Variants in FDX1 observed in about 807,000 individuals in gnomAD.
FDX1 encodes ferredoxin 1.
Under a neutral mutation model 14.9 loss-of-function variants are expected in FDX1, and 9 were observed. The observed-to-expected ratio is 0.60, with a 90% CI of 0.36 to 1.05. FDX1 has a LOEUF of 1.05. Among genes scored for constraint, FDX1 ranks in the 50% least tolerant of loss-of-function variants. The pLI, the probability that FDX1 is intolerant of heterozygous loss-of-function variation, is 0.01. For missense variants in FDX1, 204 were observed against 237.2 expected (o/e 0.86, Z 0.92); for synonymous variants, 92 against 99.4 (o/e 0.93, Z 0.44).
chr11:110,445,735 A>G (rs1946446037), intron 2 of FDX1, among the ~76,000 whole-genome samples: 1 of 152,204 alleles, frequency 6.6e-6, no homozygotes, highest in Non-Finnish European at 1.5e-5. Context: ...TAACCTACTC[A>G]TAACTCATCT....
chr11:110,430,767 A>T (rs1256953756), intron 1 of FDX1, among the ~76,000 whole-genome samples: 1 of 152,044 alleles, frequency 6.6e-6, no homozygotes, highest in Admixed American at 6.5e-5. Flanking sequence ...CTGCTTTGAG[A>T]GGACACCCAG....
intron 2 of FDX1, among the ~76,000 whole-genome samples, chr11:110,446,253 A>T (rs1250695187): frequency 6.6e-6 from 1 of 152,190 alleles, no homozygotes; most frequent in Non-Finnish European, 1.5e-5. Context: ...CCACAACATT[A>T]TGGGGGCAGC....
intron 1 of FDX1, among the ~76,000 whole-genome samples, chr11:110,430,960 G>A (rs1219390635): frequency 6.6e-6 from 1 of 152,220 alleles, no homozygotes; most frequent in Non-Finnish European, 1.5e-5. Context: ...CAGTCCTTAG[G>A]AACCCAGTTT....
intron 2 of FDX1, among the ~76,000 whole-genome samples, chr11:110,447,345 T>C (rs1329627174): frequency 1.4e-5 from 2 of 147,342 alleles, no homozygotes; most frequent in Non-Finnish European, 3.0e-5. Flanking sequence ...TCCCAGCTAC[T>C]TGGGAGGCTG....
chr11:110,444,856 T>C (rs1257174572), intron 2 of FDX1, among the ~76,000 whole-genome samples: 1 of 150,304 alleles, frequency 6.7e-6, no homozygotes, highest in Non-Finnish European at 1.5e-5. Context: ...CTGCTGCTGC[T>C]GTATGCTGCT....
Position 110,464,566 on chromosome 11 carries a change from C to T in FDX1, c.*2098C>T, listed in dbSNP as rs764286443. 4.6e-5 allele frequency: 7 copies of T among 152,154 alleles called. No individual in the cohort carries two copies. Among genetic ancestry groups the T allele is most frequent in the Non-Finnish European group, 1.0e-4 (7 of 68,022 alleles). The allele number at this position is 152,154 out of a possible 1,614,324, so 9.4% of individuals were successfully genotyped here. ...AAAGGAGATCACCTCTTAAAGGACC[C>T]ACCTTTCAATGCCATTACACTGGCA... On this transcript the variant is annotated 3_prime_UTR_variant, in exon 4 of 4. Transcript: ENST00000260270.
rs1248664179 is a variant in FDX1 at position 110,435,894 on chromosome 11, A to G, written c.246A>G (p.Lys82=). 8 of 1,612,110 alleles carry G rather than the reference A, an allele frequency of 5.0e-6. No individual in the cohort carries two copies. The highest frequency in any genetic ancestry group is 6.8e-6 in the Non-Finnish European group (8 of 1,178,658). ...INRDGETLTT[K]GKVGDSLLDV... ...GTGATGGTGAAACATTAACAACCAAAGGAAAAGTTGGTGATTCTCTGCTAG... is the reference window on the plus strand; with the variant it reads ...GTGATGGTGAAACATTAACAACCAAGGGAAAAGTTGGTGATTCTCTGCTAG... The change falls in exon 2 of 4, where the codon AAA becomes AAG. Residue 82 remains lysine, a synonymous_variant. Transcript: ENST00000260270.
intron 2 of FDX1, among the ~76,000 whole-genome samples, chr11:110,443,203 C>T (rs745381211): frequency 6.6e-6 from 1 of 152,080 alleles, no homozygotes; most frequent in Non-Finnish European, 1.5e-5. Context: ...AAAACTGTGG[C>T]AGTGTACCTC....
Position 110,457,022 on chromosome 11 carries a change from G to C in FDX1, c.415G>C (p.Asp139His), listed in dbSNP as rs368983211. ...CACTGATGAGGAGAATGACATGCTC[G>C]ATCTGGCATATGGACTAACAGACAG... ...AITDEENDMLDLAYGLTDRSR... is the reference protein window; with the variant it reads ...AITDEENDMLHLAYGLTDRSR... Residue 139 changes from aspartate to histidine, a missense_variant, in exon 3 of 4, where the codon GAT (aspartate) becomes CAT (histidine). Coordinates refer to ENST00000260270, the MANE Select transcript of FDX1 (RefSeq NM_004109.5). 2 of 1,613,058 alleles carry C rather than the reference G, an allele frequency of 1.2e-6. No individual in the cohort carries two copies. The highest frequency in any genetic ancestry group is 2.2e-5 in the East Asian group (1 of 44,838).
chr11:110,448,925 T>A (rs1039065047), intron 2 of FDX1, among the ~76,000 whole-genome samples: 1 of 152,226 alleles, frequency 6.6e-6, no homozygotes, highest in African/African-American at 2.4e-5. Context: ...AACAAATCCC[T>A]GCCATCCTTT....
intron 2 of FDX1, among the ~76,000 whole-genome samples, chr11:110,455,251 C>T (rs575164032): frequency 5.2e-4 from 79 of 152,170 alleles, no homozygotes; most frequent in Non-Finnish European, 1.0e-3. Flanking sequence ...CCATCTGCCT[C>T]GGCCTCCCGA....
intron 1 of FDX1, among the ~76,000 whole-genome samples, chr11:110,435,139 C>T (rs1344415194): frequency 6.6e-6 from 1 of 151,890 alleles, no homozygotes; most frequent in East Asian, 1.9e-4. Context: ...GCCTCTTCCT[C>T]CTCCTGGGCT....
At chr11:110,432,009 C>G (rs1293179174) in intron 1 of FDX1, among the ~76,000 whole-genome samples, 1 of 152,188 alleles carries the variant, frequency 6.6e-6, no homozygotes, top group African/African-American at 2.4e-5. Context: ...CGTAGTTACA[C>G]TAGCCACATT....
intron 1 of FDX1, among the ~76,000 whole-genome samples, chr11:110,432,000 G>C (rs543598888): frequency 6.6e-6 from 1 of 152,272 alleles, no homozygotes; most frequent in African/African-American, 2.4e-5. Flanking sequence ...ATTCAATCTC[G>C]TAGTTACACT....
At position 110,447,212 on chromosome 11, in the gene FDX1, G is replaced by A. The variant is rs867664667; in HGVS notation, c.311-9706G>A. ...AAAAAAACCGAGATGGGCGGATCAC[G>A]AGGTCAAGAGATTGAGACCATCCTG... On this transcript the variant is annotated intron_variant, in intron 2 of 3. Coordinates refer to ENST00000260270, the MANE Select transcript of FDX1 (RefSeq NM_004109.5). Among the ~76,000 whole-genome samples, 19 of 130,214 alleles carry A rather than the reference G, an allele frequency of 1.5e-4. 1 individual carries two copies. Among genetic ancestry groups the A allele is most frequent in the African/African-American group, 4.4e-4 (15 of 34,330 alleles). The allele number at this position is 130,214 out of a possible 152,430, so 85.4% of individuals were successfully genotyped here.
At chr11:110,436,023 G>T in intron 2 of FDX1, 65 bp downstream of exon 2, 6 of 1,453,906 alleles carry the variant, frequency 4.1e-6, no homozygotes, top group African/African-American at 1.5e-5. Context: ...TTTATTTTGT[G>T]GTTTTTTTTT....
At chr11:110,449,882 C>T (rs563747002) in intron 2 of FDX1, among the ~76,000 whole-genome samples, 1 of 152,328 alleles carries the variant, frequency 6.6e-6, no homozygotes, top group East Asian at 1.9e-4. Context: ...CCTGCCTCGG[C>T]CTCCCAAAGT....
chr11:110,447,093 T>C (rs1422035598), intron 2 of FDX1, among the ~76,000 whole-genome samples: 1 of 151,142 alleles, frequency 6.6e-6, no homozygotes, highest in African/African-American at 2.4e-5. Context: ...GGAGAATTGC[T>C]TTAACCCAGG....
At chr11:110,458,415 CAGGT>C (rs1216834559) in intron 3 of FDX1, among the ~76,000 whole-genome samples, 2 of 152,042 alleles carry the variant, frequency 1.3e-5, no homozygotes, top group Non-Finnish European at 2.9e-5. Flanking sequence ...ATGGGTTTCA[CAGGT>C]AGCATTTACA....
Sources: gnomAD v4.1 joint callset for allele counts (sites outside exome capture counted in the v4.1 genomes callset) on GRCh38, gnomAD v4.1.1 for gene constraint, MANE v1.5 for transcripts, NCBI Gene and HGNC (gene_info 2026-07-23, HGNC 2026-07-21) for gene names.